Variants in MRE11 observed in about 807,000 individuals in gnomAD.
MRE11 encodes double-strand break repair protein MRE11.
Under a neutral mutation model 91.7 loss-of-function variants are expected in MRE11, and 62 were observed. The ratio of observed to expected loss-of-function variants is 0.68; its 90% CI spans 0.55 to 0.84. The LOEUF is 0.84. MRE11 is among the 40% of genes least tolerant of loss of function. MRE11 has a pLI of 0.00. For synonymous variants in MRE11, 273 were observed against 271.4 expected (o/e 1.01, Z -0.06); for missense variants, 796 against 852.9 (o/e 0.93, Z 0.83).
intron 18 of MRE11, among the ~76,000 whole-genome samples, chr11:94,434,312 G>T (rs981664643): frequency 6.6e-6 from 1 of 152,052 alleles, no homozygotes; most frequent in Non-Finnish European, 1.5e-5. Flanking sequence ...TCTCAGTGGG[G>T]TCAGTATCAT....
rs1262239263 is a variant in MRE11 at position 94,418,408 on chromosome 11, T to G, written c.*1717A>C. The stretch of plus-strand genomic sequence containing the variant: ...TTTTTTTTTTTTAAGGAAAAAAACT[T>G]TATTCCTTTTTTCCTAGGAACTTGT... On this transcript the variant is annotated 3_prime_UTR_variant, in exon 20 of 20. Coordinates refer to ENST00000323929, the MANE Select transcript of MRE11 (RefSeq NM_005591.4). The G allele has an allele frequency of 8.6e-6, 2 of 232,418 alleles. No individual in the cohort carries two copies. Among genetic ancestry groups the G allele is most frequent in the African/African-American group, 4.4e-5 (2 of 45,276 alleles). 14.4% of individuals were successfully genotyped at this position (232,418 alleles called of 1,614,324 possible).
chr11:94,471,953 T>C (rs1051799581), intron 7 of MRE11, among the ~76,000 whole-genome samples, 194 bp from the exon 8 acceptor site: 2 of 152,028 alleles, frequency 1.3e-5, no homozygotes, highest in East Asian at 1.9e-4. Context: ...TACAAACTTA[T>C]TGGACACAGA....
chr11:94,475,337 G>A (rs2135065459), intron 7 of MRE11: 1 of 261,962 alleles, frequency 3.8e-6, no homozygotes, highest in African/African-American at 2.2e-5. Context: ...GAGGATATAT[G>A]TAGGTTATAT....
rs537501763 is a variant in MRE11, at chr11:94,473,403, A to G, written c.660-1644T>C. ...TAATTTGTGACCTAGAAGTGATCAC[A>G]ATATCCTTGTTGAAAGATTTTGCAT... On this transcript the variant is annotated intron_variant, in intron 7 of 19. Coordinates refer to ENST00000323929, the MANE Select transcript of MRE11 (RefSeq NM_005591.4). 2.6e-5 allele frequency: 4 copies of G among 152,248 alleles called. No homozygotes were observed. The South Asian group carries it at 8.3e-4, about 32-fold the overall frequency. 9.4% of individuals were successfully genotyped at this position (152,248 alleles called of 1,614,324 possible). A position where few individuals can be genotyped will look rare whatever the true frequency, so the allele number is the denominator to read the frequency against.
the MRE11 span, among the ~76,000 whole-genome samples, chr11:94,504,208 G>A: frequency 6.6e-6 from 1 of 152,014 alleles, no homozygotes; most frequent in Admixed American, 6.6e-5. Context: ...AAAGTCACTG[G>A]GTTTTAAAGA....
chr11:94,466,976 G>C (rs942557075), intron 10 of MRE11, among the ~76,000 whole-genome samples: 2 of 152,048 alleles, frequency 1.3e-5, no homozygotes, highest in African/African-American at 4.8e-5. Flanking sequence ...ACTATGAGAC[G>C]GGACGGATAC....
chr11:94,463,928 A>C (rs1250698240), intron 11 of MRE11, among the ~76,000 whole-genome samples, 185 bp downstream of exon 11: 1 of 152,178 alleles, frequency 6.6e-6, no homozygotes, highest in African/African-American at 2.4e-5. Context: ...CTTAAGGTAT[A>C]ATAATAATAA....
chr11:94,434,954 G>C (rs1330488340), intron 18 of MRE11, among the ~76,000 whole-genome samples: 1 of 152,178 alleles, frequency 6.6e-6, no homozygotes, highest in Non-Finnish European at 1.5e-5. Context: ...TTATTAAGTA[G>C]AAATTCTCAT....
At chr11:94,504,777 C>G in the MRE11 span, among the ~76,000 whole-genome samples, 4 of 152,150 alleles carry the variant, frequency 2.6e-5, no homozygotes, top group African/African-American at 9.7e-5. Context: ...AACTTATTTA[C>G]TCTGGTAATA....
At chr11:94,495,887 T>G (rs192861162), upstream of MRE11, among the ~76,000 whole-genome samples, 1 of 152,320 alleles carries the variant, frequency 6.6e-6, no homozygotes, top group East Asian at 1.9e-4. Context: ...TGGATCTTGC[T>G]CATTATTGAA....
chr11:94,494,646 T>C (rs1221835974), upstream of MRE11, among the ~76,000 whole-genome samples: 1 of 152,192 alleles, frequency 6.6e-6, no homozygotes, highest in Admixed American at 6.5e-5. Context: ...GTCATCAGTT[T>C]TGTTTCTTAA....
rs752370783 is a variant in MRE11, at chr11:94,447,354, A to T, written c.1648T>A (p.Leu550Ile). 1.2e-6 allele frequency: 2 copies of T among 1,614,128 alleles called. No homozygotes were observed. Among genetic ancestry groups the T allele is most frequent in the African/African-American group, 1.3e-5 (1 of 75,034 alleles). Residue 550 changes from leucine to isoleucine, a missense_variant, in exon 15 of 20, where the codon TTA becomes ATA. Physicochemically the swap from Leu to Ile is conservative, Grantham distance 5. Transcript: ENST00000323929. ...GAGTCATTAGCCATCTGTTCTGCTA[A>T]ATCTATACTCATAAGGTCATCAGCA... ...FSADDLMSID[L>I]AEQMANDSDD... is the part of the protein sequence containing the mutation.
At chr11:94,437,495 T>G (rs756390210) in intron 16 of MRE11, among the ~76,000 whole-genome samples, 8 of 152,214 alleles carry the variant, frequency 5.3e-5, no homozygotes, top group Non-Finnish European at 1.2e-4. Flanking sequence ...ACTAAAAATA[T>G]TTCATAGAAA....
intron 4 of MRE11, among the ~76,000 whole-genome samples, chr11:94,480,673 G>A (rs1014784192): frequency 6.6e-6 from 1 of 152,172 alleles, no homozygotes; most frequent in Admixed American, 6.5e-5. Flanking sequence ...CCACCATAGA[G>A]ATTTACACAT....
chr11:94,497,315 C>A (rs1346322508), upstream of MRE11: 4 of 395,326 alleles, frequency 1.0e-5, no homozygotes, highest in South Asian at 7.6e-5. Context: ...AAGTAATATT[C>A]TTCTCTTTTA....
At chr11:94,482,353 C>T (rs190598520) in intron 4 of MRE11, among the ~76,000 whole-genome samples, 20 of 152,230 alleles carry the variant, frequency 1.3e-4, no homozygotes, top group African/African-American at 4.3e-4. Context: ...TGTTTTATAC[C>T]GGAACCCATG....
At chr11:94,444,929 A>G (rs1945883155) in intron 16 of MRE11, among the ~76,000 whole-genome samples, 1 of 152,298 alleles carries the variant, frequency 6.6e-6, no homozygotes, top group East Asian at 1.9e-4. Context: ...GCTAGGTAGA[A>G]AAAAGTATCA....
At chr11:94,491,021 C>A in intron 2 of MRE11, 56 bp from the exon 3 acceptor site, 1 of 1,064,850 alleles carries the variant, frequency 9.4e-7, no homozygotes, top group South Asian at 1.4e-5. Context: ...AAAGGATATT[C>A]AAACAAATTG....
At chr11:94,481,442 T>G (rs1197104838) in intron 4 of MRE11, among the ~76,000 whole-genome samples, 1 of 152,228 alleles carries the variant, frequency 6.6e-6, no homozygotes, top group Non-Finnish European at 1.5e-5. Context: ...AACCTTAATT[T>G]GCAATTGGTT....
Sources: gnomAD v4.1 joint callset for allele counts (sites outside exome capture counted in the v4.1 genomes callset) on GRCh38, gnomAD v4.1.1 for gene constraint, MANE v1.5 for transcripts, NCBI Gene and HGNC (gene_info 2026-07-23, HGNC 2026-07-21) for gene names.